Variants in SCUBE3 observed in about 807,000 individuals in gnomAD.
SCUBE3 encodes signal peptide, CUB and EGF-like domain-containing protein 3.
Under a neutral mutation model 116.8 loss-of-function variants are expected in SCUBE3, and 33 were observed. That is an observed-to-expected ratio of 0.28 (90% CI 0.21 to 0.38). The LOEUF (loss-of-function observed/expected upper bound fraction) is 0.38. Among genes scored for constraint, SCUBE3 ranks in the 10% least tolerant of loss-of-function variants. SCUBE3 has a pLI of 1.00. For synonymous variants in SCUBE3, 418 were observed against 496.9 expected, an observed-to-expected ratio of 0.84 and a Z score of 2.11; for missense variants, 1,007 against 1,324.8, an observed-to-expected ratio of 0.76 and a Z score of 3.72.
rs542371069 is a variant in SCUBE3, at chr6:35,244,907, G to C, written c.2401+96G>C. 1.5e-4 allele frequency: 187 copies of C among 1,223,210 alleles called. No individual in the cohort carries two copies. The African/African-American group carries it at 2.5e-3, about 17-fold the overall frequency. The allele number at this position is 1,223,210 out of a possible 1,614,324, so 75.8% of individuals were successfully genotyped here. A position where few individuals can be genotyped will look rare whatever the true frequency, so the allele number is the denominator to read the frequency against. On this transcript the variant is annotated intron_variant, in intron 18 of 21. Transcript: ENST00000274938. The surrounding 1 kb of genome is among the most constrained non-coding windows in gnomAD (Gnocchi z 4.3). ...TGTGAAACCAACAGGGAGCAGGGCT[G>C]GGGGGTGGAGGAGCAGGAAAACTCC...
At chr6:35,222,966 C>T (rs1301398596) in intron 1 of SCUBE3, 1 of 152,212 alleles carries the variant, frequency 6.6e-6, no homozygotes, top group African/African-American at 2.4e-5. Context: ...ATGAGAGGGT[C>T]GTTCAAATCC....
Position 35,241,503 on chromosome 6 carries a change from G to T in SCUBE3, c.1196-40G>T, listed in dbSNP as rs749974552. ...CTCCAAATTACCCAACTGAGGGAAAGGAATGCATTCATTTGCTCAGGCCTC... is the reference window on the plus strand; with the variant it reads ...CTCCAAATTACCCAACTGAGGGAAATGAATGCATTCATTTGCTCAGGCCTC... On this transcript the variant is annotated intron_variant, in intron 10 of 21. Coordinates refer to ENST00000274938, the MANE Select transcript of SCUBE3 (RefSeq NM_152753.4). The surrounding 1 kb of genome is among the most constrained non-coding windows in gnomAD (Gnocchi z 4.1). The T allele has an allele frequency of 2.2e-5, 30 of 1,391,730 alleles. No homozygotes were observed. Among genetic ancestry groups the T allele is most frequent in the Non-Finnish European group, 2.9e-5 (28 of 977,392 alleles). 86.2% of individuals were successfully genotyped at this position (1,391,730 alleles called of 1,614,324 possible).
At chr6:35,225,367 C>T (rs750461212) in intron 1 of SCUBE3, among the ~76,000 whole-genome samples, 1 of 152,214 alleles carries the variant, frequency 6.6e-6, no homozygotes, top group Non-Finnish European at 1.5e-5. Context: ...GTACTGTTTT[C>T]TGTTTATCAG....
Position 35,233,411 on chromosome 6 carries a change from G to C in SCUBE3, c.712+110G>C. The stretch of plus-strand genomic sequence containing the variant: ...ATGGGGCCCAGGTGCTGGGCACAGA[G>C]GGACTGGTGAGGGAGTTAAGACCCA... On this transcript the variant is annotated intron_variant, in intron 6 of 21. Transcript: ENST00000274938. This position sits in a 1 kb window ranked among gnomAD's most constrained non-coding sequence, Gnocchi z 5.7. 1.4e-6 allele frequency: 1 copy of C among 717,380 alleles called. No individual in the cohort carries two copies. The highest frequency in any genetic ancestry group is 2.5e-6 in the Non-Finnish European group (1 of 401,934). 44.4% of individuals were successfully genotyped at this position (717,380 alleles called of 1,614,324 possible).
In SCUBE3 at chr6:35,250,275, G is replaced by A. The variant is rs1193688556; in HGVS notation, c.*1570G>A. 6.6e-6 allele frequency: 1 copy of A among 152,288 alleles called. No homozygotes were observed. The highest frequency in any genetic ancestry group is 1.5e-5 in the Non-Finnish European group (1 of 68,084). 9.4% of individuals were successfully genotyped at this position (152,288 alleles called of 1,614,324 possible). ...GACCTCATGATTATAGAGGCCAATG[G>A]AACTGGTCAGTGATTCTCTACCCCA... On this transcript the variant is annotated 3_prime_UTR_variant, in exon 22 of 22. Transcript: ENST00000274938.
At position 35,240,944 on chromosome 6, in the gene SCUBE3, T is replaced by C. The variant is rs1784015484; in HGVS notation, c.1070-197T>C. ...AGAATATTTAACAAGAGATCTACCC[T>C]CTTAAGTTTTTAAGTGTACACTACA... On this transcript the variant is annotated intron_variant, in intron 9 of 21. Coordinates refer to ENST00000274938, the MANE Select transcript of SCUBE3 (RefSeq NM_152753.4). This position sits in a 1 kb window ranked among gnomAD's most constrained non-coding sequence, Gnocchi z 4.6. Among the ~76,000 whole-genome samples, 4 of 152,236 alleles carry C rather than the reference T, an allele frequency of 2.6e-5. No individual in the cohort carries two copies. In the South Asian group the frequency reaches 8.3e-4, roughly 31 times the overall value.
chr6:35,241,525 C>G lies in SCUBE3; in HGVS notation c.1196-18C>G, dbSNP rs1366477965. 7 of 1,557,944 alleles carry G rather than the reference C, an allele frequency of 4.5e-6. No individual in the cohort carries two copies. Among genetic ancestry groups the G allele is most frequent in the South Asian group, 1.1e-5 (1 of 89,948 alleles). ...AAAGGAATGCATTCATTTGCTCAGG[C>G]CTCTCTCCCCTTCCTAGAGCCACTG... On this transcript the variant is annotated intron_variant, in intron 10 of 21. Transcript: ENST00000274938. This position sits in a 1 kb window ranked among gnomAD's most constrained non-coding sequence, Gnocchi z 4.1.
At chr6:35,247,994 G>A (rs1449019683) in intron 21 of SCUBE3, among the ~76,000 whole-genome samples, 3 of 152,234 alleles carry the variant, frequency 2.0e-5, no homozygotes, top group Admixed American at 1.3e-4. Flanking sequence ...ACCTCCAGAA[G>A]GCCAGTGTGG....
At chr6:35,242,052 C>T in intron 12 of SCUBE3, 142 bp downstream of exon 12, 1 of 835,028 alleles carries the variant, frequency 1.2e-6, no homozygotes, top group East Asian at 2.4e-5. Context: ...CTCCCTCACT[C>T]CCTCTGCCCT....
At position 35,245,794 on chromosome 6, in the gene SCUBE3, G is replaced by A. The variant is rs115785254; in HGVS notation, c.2600-150G>A. On this transcript the variant is annotated intron_variant, in intron 19 of 21. Coordinates refer to ENST00000274938, the MANE Select transcript of SCUBE3 (RefSeq NM_152753.4). This position sits in a 1 kb window ranked among gnomAD's most constrained non-coding sequence, Gnocchi z 4.2. ...AGCCCAGTGGGCAATGGGAGAGGGT[G>A]TGGGGTAGGGTGTGTGTATGCGAAG... 2,631 of 809,572 alleles carry A rather than the reference G, an allele frequency of 3.2e-3. 53 individuals carry two copies. The African/African-American group carries it at 0.041, about 13-fold the overall frequency. The allele number at this position is 809,572 out of a possible 1,614,324, so 50.1% of individuals were successfully genotyped here. A position where few individuals can be genotyped will look rare whatever the true frequency, so the allele number is the denominator to read the frequency against.
In SCUBE3 at chr6:35,241,389, C is replaced by T; in HGVS notation, c.1195+123C>T. Reference sequence around the variant, plus strand: ...AGGTGGAAAGGGTGGAGAATGTAGCCATTTTGAGTTAAAGACATGAAATTT... The same window carrying T: ...AGGTGGAAAGGGTGGAGAATGTAGCTATTTTGAGTTAAAGACATGAAATTT... On this transcript the variant is annotated intron_variant, in intron 10 of 21. Transcript: ENST00000274938. The surrounding 1 kb of genome is among the most constrained non-coding windows in gnomAD (Gnocchi z 4.1). The T allele has an allele frequency of 4.0e-6, 5 of 1,239,356 alleles. No individual in the cohort carries two copies. Among genetic ancestry groups the T allele is most frequent in the Non-Finnish European group, 5.8e-6 (5 of 862,894 alleles). The allele number at this position is 1,239,356 out of a possible 1,614,324, so 76.8% of individuals were successfully genotyped here.
rs577737490 is a variant in SCUBE3 at position 35,250,928 on chromosome 6, C to G, written c.*2223C>G. 1.3e-5 allele frequency: 2 copies of G among 152,222 alleles called. No individual in the cohort carries two copies. Among genetic ancestry groups the G allele is most frequent in the East Asian group, 3.9e-4 (2 of 5,172 alleles). The allele number at this position is 152,222 out of a possible 1,614,324, so 9.4% of individuals were successfully genotyped here. On this transcript the variant is annotated 3_prime_UTR_variant, in exon 22 of 22. Transcript: ENST00000274938. ...AGCTAGATTCCCTGACAACCATTAG[C>G]CAACATCATGGTCCTTGTGGGTAGA...
chr6:35,227,349 C>T (rs1188372194), intron 1 of SCUBE3, among the ~76,000 whole-genome samples: 5 of 152,134 alleles, frequency 3.3e-5, no homozygotes, highest in Admixed American at 6.5e-5. Context: ...GGAGTTTTAG[C>T]TGTCACTGTG....
chr6:35,236,586 C>T (rs756994831), intron 6 of SCUBE3, among the ~76,000 whole-genome samples: 1 of 152,190 alleles, frequency 6.6e-6, no homozygotes, highest in Non-Finnish European at 1.5e-5. Flanking sequence ...TGGGCTGTTC[C>T]ACACATGGGC....
chr6:35,220,494 C>G (rs1783081346), intron 1 of SCUBE3: 1 of 152,224 alleles, frequency 6.6e-6, no homozygotes, highest in Admixed American at 6.5e-5. Context: ...CTGTTCTTCC[C>G]CCACTTCACT....
chr6:35,218,196 G>A, intron 1 of SCUBE3: 11 of 976,806 alleles, frequency 1.1e-5, no homozygotes, highest in Non-Finnish European at 1.3e-5. Context: ...GCCGGCCCTG[G>A]GTGTGAGTTT....
Position 35,244,073 on chromosome 6 carries a change from G to A in SCUBE3, c.2182G>A (p.Gly728Arg), listed in dbSNP as rs1371154195. 3 of 1,613,872 alleles carry A rather than the reference G, an allele frequency of 1.9e-6. No individual in the cohort carries two copies. The highest frequency in any genetic ancestry group is 2.7e-5 in the African/African-American group (2 of 74,900). The change falls in exon 17 of 22, where the codon GGG becomes AGG. Residue 728 changes from glycine (G) to arginine (R), a missense_variant. Transcript: ENST00000274938. This position sits in a 1 kb window ranked among gnomAD's most constrained non-coding sequence, Gnocchi z 4.3. ...ACGGACCCTATGCTTCCCTTGTGGT[G>A]GGGGCCTCACCACCAAGCATGAAGG... The part of the protein sequence containing the change: ...AGRTLCFPCG[G>R]GLTTKHEGAI...
At position 35,243,548 on chromosome 6, in the gene SCUBE3, T is replaced by G. The variant is rs756045875; in HGVS notation, c.1910-46T>G. On this transcript the variant is annotated intron_variant, in intron 15 of 21. Coordinates refer to ENST00000274938, the MANE Select transcript of SCUBE3 (RefSeq NM_152753.4). The surrounding 1 kb of genome is among the most constrained non-coding windows in gnomAD (Gnocchi z 6.6). Reference sequence around the variant, plus strand: ...GAAGGGGAGTCCCAGGCCTGGGTGGTGGGAAATGCGGGGGTGGGTGGCTAG... The same window carrying G: ...GAAGGGGAGTCCCAGGCCTGGGTGGGGGGAAATGCGGGGGTGGGTGGCTAG... 41 of 1,465,704 alleles carry G rather than the reference T, an allele frequency of 2.8e-5. No homozygotes were observed. The highest frequency in any genetic ancestry group is 2.3e-4 in the Middle Eastern group (1 of 4,350). The allele number at this position is 1,465,704 out of a possible 1,614,324, so 90.8% of individuals were successfully genotyped here.
chr6:35,247,932 G>T (rs1344506994), intron 21 of SCUBE3, among the ~76,000 whole-genome samples: 1 of 152,210 alleles, frequency 6.6e-6, no homozygotes, highest in African/African-American at 2.4e-5. Flanking sequence ...TAGAAGATGA[G>T]GGAGGAGCAT....
Sources: gnomAD v4.1 joint callset for allele counts (sites outside exome capture counted in the v4.1 genomes callset) on GRCh38, gnomAD v4.1.1 for gene constraint, Gnocchi (gnomAD v3.1) non-coding constraint, MANE v1.5 for transcripts, NCBI Gene and HGNC (gene_info 2026-07-23, HGNC 2026-07-21) for gene names.